C2CD5: variants seen among roughly 807,000 people sequenced by gnomAD.
C2CD5 encodes the protein C2 calcium dependent domain containing 5.
A neutral mutation model predicts 130.3 loss-of-function variants in C2CD5; 109 were observed. The observed-to-expected ratio is 0.84, with a 90% CI of 0.72 to 0.98. The LOEUF is 0.98. Ranked by LOEUF, C2CD5 falls within the 50% of genes least tolerant of loss-of-function variation. The probability of loss-of-function intolerance (pLI) is 0.00; values close to 1 mark genes in which losing one functional copy is unlikely to be tolerated. For missense variants in C2CD5, 996 were observed against 1,261.8 expected (o/e 0.79, Z 3.19); for synonymous variants, 454 against 429.2 (o/e 1.06, Z -0.71).
rs557718707 is a variant in C2CD5 at position 22,496,507 on chromosome 12, T to C, written c.1148-3170A>G. ...ATCTGAAGGATATACAGCTGAGATGTGAGGTCATTTAATAAACATTAAATA... is the reference window on the plus strand; with the variant it reads ...ATCTGAAGGATATACAGCTGAGATGCGAGGTCATTTAATAAACATTAAATA... On this transcript the variant is annotated intron_variant, in intron 10 of 26. Transcript: ENST00000446597. 3.9e-5 allele frequency among the ~76,000 whole-genome samples: 6 copies of C among 152,062 alleles called. No homozygotes were observed. In the East Asian group the frequency reaches 1.2e-3, roughly 29 times the overall value.
chr12:22,471,816 A>T (rs1322370383), intron 19 of C2CD5, 151 bp downstream of exon 19: 2 of 569,966 alleles, frequency 3.5e-6, no homozygotes, highest in East Asian at 3.0e-5. Context: ...GGACAACTTT[A>T]GTATCTCACC....
intron 8 of C2CD5, among the ~76,000 whole-genome samples, chr12:22,514,635 T>G (rs749723939): frequency 1.3e-5 from 2 of 152,104 alleles, no homozygotes; most frequent in Non-Finnish European, 2.9e-5. Context: ...AGCAACATGA[T>G]GACACAGGTC....
intron 10 of C2CD5, among the ~76,000 whole-genome samples, chr12:22,503,227 C>T (rs1948032910): frequency 6.6e-6 from 1 of 152,158 alleles, no homozygotes; most frequent in Non-Finnish European, 1.5e-5. Flanking sequence ...AGCTGCAAAA[C>T]TCATTTGAGA....
intron 2 of C2CD5, among the ~76,000 whole-genome samples, chr12:22,537,639 C>G (rs1951950370): frequency 6.6e-6 from 1 of 152,180 alleles, no homozygotes; most frequent in Non-Finnish European, 1.5e-5. Context: ...TACTCATTAG[C>G]TAAATTACCT....
At chr12:22,465,072 T>C (rs1228780066) in intron 22 of C2CD5, among the ~76,000 whole-genome samples, 3 of 152,174 alleles carry the variant, frequency 2.0e-5, no homozygotes, top group African/African-American at 2.4e-5. Context: ...ACTTCTGACG[T>C]AGACACCTAA....
rs1393305981 is a variant in C2CD5, at chr12:22,449,665, C to T, written c.*95G>A. The stretch of plus-strand genomic sequence containing the variant: ...ATCTACTCAATTCTTCCTTATTTAT[C>T]TCAAGTTCAATTTTAAGTCTAAGAA... On this transcript the variant is annotated 3_prime_UTR_variant, in exon 27 of 27. Coordinates refer to ENST00000446597, the MANE Select transcript of C2CD5 (RefSeq NM_001286176.2). 8.7e-7 allele frequency: 1 copy of T among 1,143,724 alleles called. No homozygotes were observed. The highest frequency in any genetic ancestry group is 1.3e-6 in the Non-Finnish European group (1 of 796,242). The allele number at this position is 1,143,724 out of a possible 1,614,324, so 70.8% of individuals were successfully genotyped here. A position where few individuals can be genotyped will look rare whatever the true frequency, so the allele number is the denominator to read the frequency against.
In C2CD5 at chr12:22,474,763, A is replaced by G; in HGVS notation, c.2031T>C (p.Ala677=). 6.3e-7 allele frequency: 1 copy of G among 1,599,136 alleles called. No individual in the cohort carries two copies. The highest frequency in any genetic ancestry group is 8.5e-7 in the Non-Finnish European group (1 of 1,173,508). Residue 677 remains alanine (A), a synonymous_variant, in exon 16 of 27, where the codon GCT becomes GCC. Transcript: ENST00000446597. ...AATGCCACATTACCTCCAAAACAAA[A>G]GCATCTTTTTTCCCATGTGAAAGGT... ...ELDLSHGKKD[A]FVLEIDDTDA... is the part of the protein sequence containing the mutation.
At chr12:22,533,478 G>A (rs781613914) in intron 3 of C2CD5, among the ~76,000 whole-genome samples, 3 of 152,118 alleles carry the variant, frequency 2.0e-5, no homozygotes, top group African/African-American at 4.8e-5. Flanking sequence ...GGAGGATTGG[G>A]GCATGCCGAC....
intron 3 of C2CD5, among the ~76,000 whole-genome samples, chr12:22,528,593 C>T (rs1950936031): frequency 6.6e-6 from 1 of 152,096 alleles, no homozygotes; most frequent in African/African-American, 2.4e-5. Context: ...CAGAAGGGAA[C>T]ATATTATAGA....
Position 22,467,886 on chromosome 12 carries a change from A to G in C2CD5, c.2533+1823T>C, listed in dbSNP as rs74319093. Among the ~76,000 whole-genome samples, 1,056 of 152,346 alleles carry G rather than the reference A, an allele frequency of 6.9e-3. 13 individuals are homozygous for G. Among genetic ancestry groups the G allele is most frequent in the African/African-American group, 0.02 (823 of 41,586 alleles). On this transcript the variant is annotated intron_variant, in intron 22 of 26. Coordinates refer to ENST00000446597, the MANE Select transcript of C2CD5 (RefSeq NM_001286176.2). Reference sequence around the variant, plus strand: ...TTCCTTTGAAAACATTTTGAAAGCTATTGCAGAAGTGGAAAGTTGTCCTTA... The same window carrying G: ...TTCCTTTGAAAACATTTTGAAAGCTGTTGCAGAAGTGGAAAGTTGTCCTTA...
intron 12 of C2CD5, 106 bp downstream of exon 12, chr12:22,490,017 C>T (rs979991193): frequency 5.5e-6 from 4 of 726,530 alleles, no homozygotes; most frequent in Non-Finnish European, 7.2e-6. Context: ...CTACACTGTA[C>T]CCCTGTAAGC....
At chr12:22,512,709 AAAGAG>A in intron 9 of C2CD5, 14 of 1,467,018 alleles carry the variant, frequency 9.5e-6, no homozygotes, top group African/African-American at 1.4e-5. Flanking sequence ...TAAAAAAAAA[AAAGAG>A]AGAGAGAGAA....
intron 14 of C2CD5, among the ~76,000 whole-genome samples, chr12:22,481,854 A>C (rs2136301884): frequency 6.8e-6 from 1 of 146,574 alleles, no homozygotes; most frequent in Non-Finnish European, 1.5e-5. Context: ...GGCTGGTCTA[A>C]CTTCTGGGCT....
chr12:22,513,238 A>C (rs1446785177), intron 9 of C2CD5, 56 bp downstream of exon 9: 1 of 1,206,394 alleles, frequency 8.3e-7, no homozygotes, highest in Non-Finnish European at 1.2e-6. Context: ...ATGGAAGCAT[A>C]AGATAACAAA....
chr12:22,536,787 G>A (rs1005591499), intron 2 of C2CD5, among the ~76,000 whole-genome samples: 2 of 152,086 alleles, frequency 1.3e-5, no homozygotes, highest in African/African-American at 4.8e-5. Flanking sequence ...AGGGGTTTTC[G>A]AGTTATATTT....
intron 3 of C2CD5, among the ~76,000 whole-genome samples, chr12:22,528,669 T>A (rs1226331716): frequency 6.6e-6 from 1 of 152,184 alleles, no homozygotes; most frequent in African/African-American, 2.4e-5. Context: ...ATTATACTTT[T>A]AAAATGCAGT....
chr12:22,463,874 TGG>T (rs1941615875), intron 22 of C2CD5: 1 of 152,224 alleles, frequency 6.6e-6, no homozygotes. Context: ...TATATGCAGT[TGG>T]GAGTCATTAT....
At chr12:22,502,825 T>C (rs1036413805) in intron 10 of C2CD5, 2 of 1,453,434 alleles carry the variant, frequency 1.4e-6, no homozygotes, top group Non-Finnish European at 1.9e-6. Flanking sequence ...AACAGCAAAT[T>C]AGTAGATCAG....
At chr12:22,507,321 A>C (rs578059817) in intron 9 of C2CD5, among the ~76,000 whole-genome samples, 2 of 152,234 alleles carry the variant, frequency 1.3e-5, no homozygotes, top group Non-Finnish European at 2.9e-5. Flanking sequence ...GTGTGGGTTA[A>C]GAGAAAGAGG....
Sources: gnomAD v4.1 joint callset for allele counts (sites outside exome capture counted in the v4.1 genomes callset) on GRCh38, gnomAD v4.1.1 for gene constraint, MANE v1.5 for transcripts, NCBI Gene and HGNC (gene_info 2026-07-23, HGNC 2026-07-21) for gene names.